PRKCA: variants seen among roughly 807,000 people sequenced by gnomAD.
The protein encoded by PRKCA is protein kinase C alpha type.
Under a neutral mutation model 87.0 loss-of-function variants are expected in PRKCA, and 27 were observed. That is an observed-to-expected ratio of 0.31 (90% CI 0.23 to 0.43). The LOEUF (loss-of-function observed/expected upper bound fraction) is 0.43, where lower values mean the gene tolerates loss of function less well. Among genes scored for constraint, PRKCA ranks in the 20% least tolerant of loss-of-function variants. The pLI, the probability that PRKCA is intolerant of heterozygous loss-of-function variation, is 1.00. For missense variants in PRKCA, 518 were observed against 852.3 expected (o/e 0.61, Z 4.88); for synonymous variants, 329 against 311.1 (o/e 1.06, Z -0.61).
At chr17:66,527,439 G>T (rs186866410) in intron 3 of PRKCA, among the ~76,000 whole-genome samples, 1 of 152,176 alleles carries the variant, frequency 6.6e-6, no homozygotes, top group East Asian at 1.9e-4. Flanking sequence ...TGCTACTTTT[G>T]CCTTTATTAT....
intron 2 of PRKCA, among the ~76,000 whole-genome samples, chr17:66,455,774 T>C (rs1914551496): frequency 6.6e-6 from 1 of 152,156 alleles, no homozygotes; most frequent in South Asian, 2.1e-4. Flanking sequence ...TAAATGAACA[T>C]CTGAGAAGGG....
intron 3 of PRKCA, among the ~76,000 whole-genome samples, chr17:66,570,726 C>G (rs1969056951): frequency 6.6e-6 from 1 of 152,164 alleles, no homozygotes; most frequent in Non-Finnish European, 1.5e-5. Context: ...CTGTGCTCGT[C>G]TGGAGCTGTG....
chr17:66,467,736 T>C (rs1228206338), intron 2 of PRKCA, among the ~76,000 whole-genome samples: 2 of 151,998 alleles, frequency 1.3e-5, no homozygotes, highest in Non-Finnish European at 2.9e-5. Context: ...TTTTTAATTT[T>C]TTGTGGAGAT....
chr17:66,512,788 G>C (rs1733231161), intron 3 of PRKCA, among the ~76,000 whole-genome samples: 1 of 152,068 alleles, frequency 6.6e-6, no homozygotes, highest in South Asian at 2.1e-4. Flanking sequence ...CACCTCCCAG[G>C]TTCGAGCAAT....
intron 8 of PRKCA, among the ~76,000 whole-genome samples, chr17:66,693,297 G>T (rs1374654217): frequency 6.6e-6 from 1 of 151,472 alleles, no homozygotes; most frequent in Non-Finnish European, 1.5e-5. Flanking sequence ...CATGGACAGT[G>T]TGTCTGTGGG....
intron 11 of PRKCA, among the ~76,000 whole-genome samples, chr17:66,740,108 A>G (rs144735168): frequency 6.6e-6 from 1 of 151,568 alleles, no homozygotes; most frequent in Non-Finnish European, 1.5e-5. Flanking sequence ...GTGAGACCCC[A>G]TTTCAGGCTT....
Position 66,736,753 on chromosome 17 carries a change from CAA to C in PRKCA, c.1230+1093_1230+1094del, listed in dbSNP as rs368397016. The stretch of plus-strand genomic sequence containing the variant: ...TAGGAAAGGTCACAACAAGGAAATC[CAA>C]AGAGTCATATATCGTGACACGTGAA... On this transcript the variant is annotated intron_variant, in intron 10 of 16. Transcript: ENST00000413366. Among the ~76,000 whole-genome samples, 285 of 152,294 alleles carry C rather than the reference CAA, an allele frequency of 1.9e-3. 1 individual carries two copies. The highest frequency in any genetic ancestry group is 6.6e-3 in the African/African-American group (273 of 41,560).
rs1467299694 is a variant in PRKCA at position 66,805,680 on chromosome 17, C to G, written c.*1643C>G. On this transcript the variant is annotated 3_prime_UTR_variant, in exon 17 of 17. Coordinates refer to ENST00000413366, the MANE Select transcript of PRKCA (RefSeq NM_002737.3). Reference sequence around the variant, plus strand: ...TAGTTTCTTCATGTCACCTTTCGTCCTGGTTCCTCCGCCACTCTTCCTCTT... The same window carrying G: ...TAGTTTCTTCATGTCACCTTTCGTCGTGGTTCCTCCGCCACTCTTCCTCTT... 3.3e-5 allele frequency: 5 copies of G among 152,176 alleles called. No homozygotes were observed. Among genetic ancestry groups the G allele is most frequent in the Admixed American group, 3.3e-4 (5 of 15,278 alleles). 9.4% of individuals were successfully genotyped at this position (152,176 alleles called of 1,614,324 possible).
At chr17:66,800,729 A>G (rs1253862442) in intron 16 of PRKCA, among the ~76,000 whole-genome samples, 1 of 152,222 alleles carries the variant, frequency 6.6e-6, no homozygotes, top group Non-Finnish European at 1.5e-5. Flanking sequence ...GAACACATTG[A>G]TAAATTTAGA....
At chr17:66,610,392 A>G (rs1970324825) in intron 3 of PRKCA, among the ~76,000 whole-genome samples, 1 of 151,910 alleles carries the variant, frequency 6.6e-6, no homozygotes, top group Non-Finnish European at 1.5e-5. Context: ...CTGATGATTC[A>G]CTCCATCTCC....
rs773792963 is a variant in PRKCA at position 66,687,241 on chromosome 17, T to C, written c.660T>C (p.Asn220=). The part of the protein sequence containing the change: ...QKTKTIRSTL[N]PQWNESFTFK... ...CCAAAACCATCCGCTCCACACTAAA[T>C]CCGCAGTGGAATGAGTCCTTTACAT... Residue 220 remains asparagine, a synonymous_variant, in exon 6 of 17, where the codon AAT becomes AAC. Coordinates refer to ENST00000413366, the MANE Select transcript of PRKCA (RefSeq NM_002737.3). 2 of 1,614,124 alleles carry C rather than the reference T, an allele frequency of 1.2e-6. No individual in the cohort carries two copies. Among genetic ancestry groups the C allele is most frequent in the Admixed American group, 3.3e-5 (2 of 60,010 alleles).
At chr17:66,415,123 TAA>T (rs1244780906) in intron 2 of PRKCA, 5 of 152,096 alleles carry the variant, frequency 3.3e-5, no homozygotes, top group Admixed American at 2.6e-4. Flanking sequence ...GTAATTTAAA[TAA>T]ACCTTTTAAA....
At chr17:66,595,500 C>T (rs566564100) in intron 3 of PRKCA, among the ~76,000 whole-genome samples, 152 of 126,488 alleles carry the variant, frequency 1.2e-3, no homozygotes, top group African/African-American at 4.1e-3. Flanking sequence ...TGCTCTGTCA[C>T]CCAGGCTGGA....
At chr17:66,665,315 C>G (rs1365738219) in intron 5 of PRKCA, among the ~76,000 whole-genome samples, 1 of 152,152 alleles carries the variant, frequency 6.6e-6, no homozygotes, top group Non-Finnish European at 1.5e-5. Flanking sequence ...GAACTTGAAT[C>G]TAGGCAGAAC....
chr17:66,677,487 TTG>T (rs1215605857), intron 5 of PRKCA: 1 of 152,254 alleles, frequency 6.6e-6, no homozygotes, highest in Admixed American at 6.5e-5. Context: ...AGTAGAGACT[TTG>T]TGACCTGCAA....
chr17:66,387,288 A>G (rs1025017022), intron 2 of PRKCA, among the ~76,000 whole-genome samples: 1 of 152,222 alleles, frequency 6.6e-6, no homozygotes, highest in Non-Finnish European at 1.5e-5. Context: ...CATGGGCAGA[A>G]AAGTTGAGAT....
chr17:66,376,378 C>T (rs1401782062), intron 2 of PRKCA, among the ~76,000 whole-genome samples: 1 of 152,110 alleles, frequency 6.6e-6, no homozygotes, highest in Non-Finnish European at 1.5e-5. Context: ...GAGACCAAGG[C>T]GGGTGGATCA....
At chr17:66,663,668 T>C (rs533810206) in intron 5 of PRKCA, among the ~76,000 whole-genome samples, 1 of 152,280 alleles carries the variant, frequency 6.6e-6, no homozygotes, top group East Asian at 1.9e-4. Context: ...ATCAGCTTTG[T>C]TGGGGGAGGG....
At chr17:66,616,925 A>G (rs1970534003) in intron 3 of PRKCA, among the ~76,000 whole-genome samples, 1 of 151,876 alleles carries the variant, frequency 6.6e-6, no homozygotes, top group African/African-American at 2.4e-5. Context: ...TGGGAGCAGG[A>G]GCTCCAGCTT....
Sources: gnomAD v4.1 joint callset for allele counts (sites outside exome capture counted in the v4.1 genomes callset) on GRCh38, gnomAD v4.1.1 for gene constraint, MANE v1.5 for transcripts, NCBI Gene and HGNC (gene_info 2026-07-23, HGNC 2026-07-21) for gene names.